The following LRRC63 variants were observed in gnomAD, a reference collection of about 807,000 sequenced individuals.
LRRC63 encodes the protein leucine rich repeat containing 63.
In LRRC63, 40 loss-of-function variants were observed where a neutral mutation model predicts 49.5. The ratio of observed to expected loss-of-function variants is 0.81; its 90% CI spans 0.63 to 1.05. LRRC63 has a LOEUF of 1.05. Ranked by LOEUF, LRRC63 falls within the 50% of genes least tolerant of loss-of-function variation. The pLI is 0.00. For synonymous variants in LRRC63, 191 were observed against 221.1 expected (o/e 0.86, Z 1.21); for missense variants, 636 against 663.1 (o/e 0.96, Z 0.45).
intron 9 of LRRC63, among the ~76,000 whole-genome samples, chr13:46,269,921 A>ATATATATATAT (rs2047733522): frequency 1.3e-5 from 2 of 149,220 alleles, no homozygotes; most frequent in Non-Finnish European, 3.0e-5. Context: ...ATATATATAT[A>ATATATATATAT]GTAGTCATCC....
At chr13:46,250,401 C>T (rs201404436) in exon 7 of LRRC63, 3 of 1,524,602 alleles carry the variant, frequency 2.0e-6, no homozygotes, top group African/African-American at 1.4e-5. Flanking sequence ...AGAAATAATC[C>T]TATCAAAGAA....
At chr13:46,240,761 A>G (rs112985837) in intron 5 of LRRC63, among the ~76,000 whole-genome samples, 1,738 of 152,336 alleles carry the variant, frequency 0.011, 19 homozygotes, top group South Asian at 0.023. Context: ...GATCTTTAGG[A>G]ATACAGCTAA....
At chr13:46,242,422 G>A (rs1187291674) in intron 5 of LRRC63, among the ~76,000 whole-genome samples, 3 of 151,950 alleles carry the variant, frequency 2.0e-5, no homozygotes, top group African/African-American at 7.3e-5. Flanking sequence ...CATGGCATAA[G>A]TTTTCCTATA....
intron 1 of LRRC63, 43 bp downstream of exon 1, chr13:46,212,302 G>C (rs965192549): frequency 2.0e-5 from 3 of 152,208 alleles, no homozygotes; most frequent in Admixed American, 2.0e-4. Context: ...TCCCTTCTAG[G>C]CTATCAATGG....
intron 9 of LRRC63, among the ~76,000 whole-genome samples, chr13:46,267,886 A>T (rs1339116368): frequency 6.6e-6 from 1 of 152,176 alleles, no homozygotes; most frequent in Non-Finnish European, 1.5e-5. Context: ...TGAACTTGAG[A>T]TTCCTGAATT....
At chr13:46,242,428 C>G (rs2047090542) in intron 5 of LRRC63, among the ~76,000 whole-genome samples, 1 of 151,852 alleles carries the variant, frequency 6.6e-6, no homozygotes, top group Admixed American at 6.6e-5. Flanking sequence ...ATAAGTTTTC[C>G]TATATAATAA....
At chr13:46,244,669 G>A (rs2047162943) in intron 5 of LRRC63, among the ~76,000 whole-genome samples, 1 of 152,072 alleles carries the variant, frequency 6.6e-6, no homozygotes, top group Admixed American at 6.6e-5. Context: ...AGCTACTCAG[G>A]AGGCTGAGGA....
intron 9 of LRRC63, among the ~76,000 whole-genome samples, chr13:46,275,133 T>C (rs1473465126): frequency 6.6e-6 from 1 of 152,216 alleles, no homozygotes; most frequent in Non-Finnish European, 1.5e-5. Flanking sequence ...TCATCCCTGT[T>C]GCCACAAATG....
intron 2 of LRRC63, among the ~76,000 whole-genome samples, chr13:46,225,610 G>A (rs1460252895): frequency 6.6e-6 from 1 of 152,194 alleles, no homozygotes; most frequent in African/African-American, 2.4e-5. Flanking sequence ...GTGTTAATGT[G>A]TTTTGTTTTA....
At chr13:46,250,296 A>G (rs2047342691) in intron 6 of LRRC63, 59 bp from the exon 7 acceptor site, 1 of 1,333,594 alleles carries the variant, frequency 7.5e-7, no homozygotes, top group Admixed American at 2.7e-5. Context: ...AAGGTAACAA[A>G]TAATGATTTG....
chr13:46,231,500 CA>C (rs1339340464), intron 4 of LRRC63, among the ~76,000 whole-genome samples: 3 of 151,888 alleles, frequency 2.0e-5, no homozygotes, highest in Non-Finnish European at 4.4e-5. Context: ...AGAGGTGCCA[CA>C]CACTTTTTCT....
chr13:46,226,147 C>G (rs185662654), intron 2 of LRRC63, among the ~76,000 whole-genome samples: 39 of 151,780 alleles, frequency 2.6e-4, no homozygotes, highest in African/African-American at 8.5e-4. Flanking sequence ...CCACACTTGG[C>G]TAATTATTTT....
chr13:46,276,896 AAAC>A (rs2047851379), exon 10 of LRRC63: 1 of 162,102 alleles, frequency 6.2e-6, no homozygotes, highest in Non-Finnish European at 1.2e-5. Context: ...ATATATATAT[AAAC>A]TTTACTGGCT....
chr13:46,262,549 A>G (rs2047629727), intron 8 of LRRC63, among the ~76,000 whole-genome samples: 1 of 152,174 alleles, frequency 6.6e-6, no homozygotes, highest in African/African-American at 2.4e-5. Context: ...AGCAGCACAC[A>G]TAATCACAGA....
At chr13:46,267,049 A>T in intron 9 of LRRC63, 77 bp downstream of exon 9, 2 of 1,327,536 alleles carry the variant, frequency 1.5e-6, no homozygotes, top group Non-Finnish European at 2.0e-6. Context: ...GGCTTAGATG[A>T]CAGTGTCACT....
chr13:46,226,923 G>A (rs1052175793), intron 2 of LRRC63, among the ~76,000 whole-genome samples: 6 of 152,288 alleles, frequency 3.9e-5, no homozygotes, highest in Non-Finnish European at 7.4e-5. Context: ...GAAAGAAAAG[G>A]CATATATGAT....
intron 4 of LRRC63, among the ~76,000 whole-genome samples, chr13:46,233,860 G>A (rs1149876): frequency 0.77 from 116,810 of 152,162 alleles, 46,152 homozygotes; most frequent in East Asian, 0.97. Context: ...TATGTAATTC[G>A]TAGTAAATTT....
intron 5 of LRRC63, among the ~76,000 whole-genome samples, chr13:46,238,850 A>T (rs1232250768): frequency 2.0e-5 from 3 of 152,226 alleles, no homozygotes; most frequent in Non-Finnish European, 2.9e-5. Flanking sequence ...CTCATACCAT[A>T]CAATTACATG....
chr13:46,244,019 A>G (rs2047142163), intron 5 of LRRC63, among the ~76,000 whole-genome samples: 1 of 152,180 alleles, frequency 6.6e-6, no homozygotes, highest in Admixed American at 6.5e-5. Flanking sequence ...AAAAAATTAT[A>G]CCAAATAGAA....
Sources: gnomAD v4.1 joint callset for allele counts (sites outside exome capture counted in the v4.1 genomes callset) on GRCh38, gnomAD v4.1.1 for gene constraint, MANE v1.5 for transcripts, NCBI Gene and HGNC (gene_info 2026-07-23, HGNC 2026-07-21) for gene names.